Variants in VDAC2 observed in about 807,000 individuals in gnomAD.
VDAC2 encodes non-selective voltage-gated ion channel VDAC2.
Under a neutral mutation model 36.6 loss-of-function variants are expected in VDAC2, and 6 were observed. The ratio of observed to expected loss-of-function variants is 0.16; its 90% CI spans 0.09 to 0.32. The LOEUF (loss-of-function observed/expected upper bound fraction) is 0.32, where lower values mean the gene tolerates loss of function less well. VDAC2 is among the 10% of genes least tolerant of loss of function. The pLI, the probability that VDAC2 is intolerant of heterozygous loss-of-function variation, is 1.00. For synonymous variants in VDAC2, 109 were observed against 123.8 expected (o/e 0.88, Z 0.79); for missense variants, 247 against 346.0 (o/e 0.71, Z 2.27).
At chr10:75,229,876 T>C (rs1243179182) in intron 9 of VDAC2, among the ~76,000 whole-genome samples, 175 bp downstream of exon 9, 1 of 151,830 alleles carries the variant, frequency 6.6e-6, no homozygotes, top group Non-Finnish European at 1.5e-5. Context: ...CTTTTTTTTT[T>C]TTTGCTGGGC....
chr10:75,229,675 T>G lies in VDAC2; in HGVS notation c.767T>G (p.Val256Gly). ...AKVNNSSLIG[V>G]GYTQTLRPGV... ...GTCAACAACTCTAGCTTAATTGGAG[T>G]AGGCTATACTCAGACTCTGAGGCCT... Residue 256 changes from valine to glycine, a missense_variant, in exon 9 of 10, where the codon GTA (valine) becomes GGA (glycine). This residue lies in a region of VDAC2 where 159 missense variants were observed against 234.0 expected (regional missense o/e 0.68). Coordinates refer to ENST00000332211, the MANE Select transcript of VDAC2 (RefSeq NM_001391963.1). 1 of 1,607,640 alleles carries G rather than the reference T, an allele frequency of 6.2e-7. No individual in the cohort carries two copies. Among genetic ancestry groups the G allele is most frequent in the Non-Finnish European group, 8.5e-7 (1 of 1,178,232 alleles).
At position 75,231,182 on chromosome 10, in the gene VDAC2, GCTGCAGTC is replaced by G; in HGVS notation, c.*202_*209del. 1.8e-6 allele frequency: 1 copy of G among 550,528 alleles called. No homozygotes were observed. Among genetic ancestry groups the G allele is most frequent in the Non-Finnish European group, 3.3e-6 (1 of 303,452 alleles). The allele number at this position is 550,528 out of a possible 1,614,324, so 34.1% of individuals were successfully genotyped here. ...TCTAGTTGGTTATCTAGTTACCAAT[GCTGCAGTC>G]CTGCAGTCACCTATACATTATTTAA... is the stretch of plus-strand genomic sequence containing the variant. On this transcript the variant is annotated 3_prime_UTR_variant, in exon 10 of 10. Coordinates refer to ENST00000332211, the MANE Select transcript of VDAC2 (RefSeq NM_001391963.1).
chr10:75,213,921 A>C (rs747200152), intron 3 of VDAC2, 100 bp from the exon 4 acceptor site: 1 of 1,140,036 alleles, frequency 8.8e-7, no homozygotes, highest in Non-Finnish European at 1.3e-6. Flanking sequence ...CCACCTCTGA[A>C]TATGTGGAAT....
chr10:75,211,182 C>G lies in VDAC2; in HGVS notation c.24C>G (p.Cys8Trp), dbSNP rs756792390. The G allele has an allele frequency of 4.0e-5, 65 of 1,613,016 alleles. No individual in the cohort carries two copies. Among genetic ancestry groups the G allele is most frequent in the Admixed American group, 3.3e-4 (20 of 59,906 alleles). The change falls in exon 2 of 10, where the codon TGC becomes TGG. Residue 8 changes from cysteine to tryptophan, a missense_variant. By Grantham distance (215) the Cys-to-Trp change is radical (BLOSUM62 -2). Coordinates refer to ENST00000332211, the MANE Select transcript of VDAC2 (RefSeq NM_001391963.1). The stretch of plus-strand genomic sequence containing the variant: ...CCATGGCGACCCACGGACAGACTTG[C>G]GCGCGTCGTAAGTAAAGCTGGGATC... The part of the protein sequence containing the change: MATHGQT[C>W]ARPMCIPPSY...
intron 4 of VDAC2, 98 bp from the exon 5 acceptor site, chr10:75,218,965 C>T: frequency 7.8e-7 from 1 of 1,285,436 alleles, no homozygotes; most frequent in South Asian, 1.6e-5. Context: ...ATGAATTTAC[C>T]AAATGTTTCA....
chr10:75,228,087 G>C (rs1842010836), intron 8 of VDAC2, among the ~76,000 whole-genome samples: 1 of 151,096 alleles, frequency 6.6e-6, no homozygotes, highest in African/African-American at 2.4e-5. Flanking sequence ...GTAGAGACGG[G>C]GTTTCACCGT....
At chr10:75,230,125 CTG>C (rs1412661793) in intron 9 of VDAC2, among the ~76,000 whole-genome samples, 1 of 152,134 alleles carries the variant, frequency 6.6e-6, no homozygotes, top group Admixed American at 6.5e-5. Context: ...TTGAAGCGTG[CTG>C]TGTCTAGAAC....
intron 9 of VDAC2, among the ~76,000 whole-genome samples, chr10:75,230,504 A>G (rs574790061): frequency 6.6e-6 from 1 of 152,330 alleles, no homozygotes; most frequent in Non-Finnish European, 1.5e-5. Context: ...AAGAAAACTA[A>G]CATTAATGTA....
chr10:75,211,516 G>A (rs1294581939), intron 2 of VDAC2: 1 of 1,543,554 alleles, frequency 6.5e-7, no homozygotes, highest in African/African-American at 1.4e-5. Context: ...GGAAGTAGCA[G>A]TCCCTCTTGT....
At chr10:75,222,129 T>C (rs1472855415) in intron 7 of VDAC2, 123 bp from the exon 8 acceptor site, 7 of 1,059,474 alleles carry the variant, frequency 6.6e-6, no homozygotes, top group Admixed American at 6.1e-5. Flanking sequence ...AAGTTTTCAG[T>C]GGAACACTAA....
At chr10:75,223,210 C>G (rs1173470993) in intron 8 of VDAC2, among the ~76,000 whole-genome samples, 1 of 151,746 alleles carries the variant, frequency 6.6e-6, no homozygotes, top group Non-Finnish European at 1.5e-5. Flanking sequence ...ACTCCTGACC[C>G]CAAGTGATCC....
intron 7 of VDAC2, among the ~76,000 whole-genome samples, chr10:75,221,311 A>G (rs145558793): frequency 1.7e-3 from 258 of 152,154 alleles, no homozygotes; most frequent in African/African-American, 5.9e-3. Flanking sequence ...CCTAAAATGT[A>G]TGGTGTTTTG....
intron 4 of VDAC2, chr10:75,217,738 T>A: frequency 2.8e-6 from 1 of 355,634 alleles, no homozygotes; most frequent in Non-Finnish European, 5.2e-6. Flanking sequence ...TTCCTGTTAA[T>A]GAAAGGGTCT....
intron 8 of VDAC2, among the ~76,000 whole-genome samples, chr10:75,227,966 C>T (rs898910487): frequency 2.0e-5 from 3 of 151,432 alleles, no homozygotes; most frequent in African/African-American, 7.3e-5. Context: ...AAGATCTCCA[C>T]TCACTGCAAC....
chr10:75,223,386 G>T (rs1841873703), intron 8 of VDAC2, among the ~76,000 whole-genome samples: 1 of 152,186 alleles, frequency 6.6e-6, no homozygotes, highest in South Asian at 2.1e-4. Flanking sequence ...CATTTTAACA[G>T]ATTTAATGTA....
At position 75,210,953 on chromosome 10, in the gene VDAC2, G is replaced by A. The variant is rs535397160; in HGVS notation, c.-26+15G>A. 4 of 462,642 alleles carry A rather than the reference G, an allele frequency of 8.6e-6. No individual in the cohort carries two copies. Among genetic ancestry groups the A allele is most frequent in the Non-Finnish European group, 1.5e-5 (4 of 268,352 alleles). The allele number at this position is 462,642 out of a possible 1,614,324, so 28.7% of individuals were successfully genotyped here. A position where few individuals can be genotyped will look rare whatever the true frequency, so the allele number is the denominator to read the frequency against. On this transcript the variant is annotated intron_variant, in intron 1 of 9. Coordinates refer to ENST00000332211, the MANE Select transcript of VDAC2 (RefSeq NM_001391963.1). ...GACACCACCAGGTACCGCCGCGCCC[G>A]CCTCACGCCGACCCAGGGGCCTAGG...
At chr10:75,230,370 C>T (rs777621562) in intron 9 of VDAC2, among the ~76,000 whole-genome samples, 12 of 152,150 alleles carry the variant, frequency 7.9e-5, no homozygotes, top group Non-Finnish European at 1.8e-4. Context: ...TATTTTATGT[C>T]TGAAACTTCA....
intron 2 of VDAC2, chr10:75,211,428 T>C: frequency 6.8e-7 from 1 of 1,471,206 alleles, no homozygotes; most frequent in Non-Finnish European, 9.0e-7. Flanking sequence ...CCTTTGTACA[T>C]GTCTTTGACG....
intron 4 of VDAC2, among the ~76,000 whole-genome samples, chr10:75,215,834 G>T (rs1841587098): frequency 6.6e-6 from 1 of 151,960 alleles, no homozygotes; most frequent in South Asian, 2.1e-4. Context: ...TGATTCTCCG[G>T]CCTCAGCCTC....
Sources: gnomAD v4.1 joint callset for allele counts (sites outside exome capture counted in the v4.1 genomes callset) on GRCh38, gnomAD v4.1.1 for gene constraint, gnomAD v4.1.1 regional missense constraint, MANE v1.5 for transcripts, NCBI Gene and HGNC (gene_info 2026-07-23, HGNC 2026-07-21) for gene names.